EDEM3: variants seen among roughly 807,000 people sequenced by gnomAD.
EDEM3 encodes ER degradation enhancing alpha-mannosidase like protein 3, also known as ER degradation-enhancing alpha-mannosidase-like protein 3.
In EDEM3, 60 loss-of-function variants were observed where a neutral mutation model predicts 110.2. The ratio of observed to expected loss-of-function variants is 0.54; its 90% CI spans 0.44 to 0.67. The LOEUF is 0.67. EDEM3 is among the 30% of genes least tolerant of loss of function. The pLI, the probability that EDEM3 is intolerant of heterozygous loss-of-function variation, is 0.00. For missense variants in EDEM3, 996 were observed against 1,121.0 expected (o/e 0.89, Z 1.59); for synonymous variants, 352 against 382.9 (o/e 0.92, Z 0.94).
chr1:184,710,246 T>C (rs1370787880), intron 16 of EDEM3, 148 bp downstream of exon 16: 1 of 908,314 alleles, frequency 1.1e-6, no homozygotes, highest in East Asian at 2.8e-5. Context: ...CTTTCCAAGA[T>C]ACTTCCAAGT....
chr1:184,752,976 CAT>C (rs749722186), intron 1 of EDEM3, among the ~76,000 whole-genome samples: 2 of 152,126 alleles, frequency 1.3e-5, no homozygotes, highest in Non-Finnish European at 2.9e-5. Context: ...ACATTAAATT[CAT>C]ATGAGAGAAA....
chr1:184,749,452 G>C, intron 2 of EDEM3, 95 bp downstream of exon 2: 1 of 980,086 alleles, frequency 1.0e-6, no homozygotes. Flanking sequence ...TTTAAAAAAT[G>C]TAATTGTATT....
intron 7 of EDEM3, 85 bp from the exon 8 acceptor site, chr1:184,723,941 A>C: frequency 1.0e-6 from 1 of 958,246 alleles, no homozygotes. Flanking sequence ...TAACAAACAA[A>C]ACTCAAAGGC....
intron 18 of EDEM3, among the ~76,000 whole-genome samples, chr1:184,705,362 T>G (rs1431623571): frequency 6.6e-6 from 1 of 152,214 alleles, no homozygotes; most frequent in Non-Finnish European, 1.5e-5. Context: ...AAATCTCTTC[T>G]GTAACTGGCT....
intron 17 of EDEM3, among the ~76,000 whole-genome samples, chr1:184,707,431 C>T (rs1449153819): frequency 6.6e-6 from 1 of 152,108 alleles, no homozygotes; most frequent in African/African-American, 2.4e-5. Flanking sequence ...GTTTTGTAAA[C>T]TGATACAGCA....
At chr1:184,743,300 T>C (rs1470473268) in intron 2 of EDEM3, among the ~76,000 whole-genome samples, 3 of 152,140 alleles carry the variant, frequency 2.0e-5, no homozygotes, top group African/African-American at 7.2e-5. Context: ...TCCTGGCTTT[T>C]TGAGGCACAG....
At chr1:184,752,847 G>A (rs1166362830) in intron 1 of EDEM3, among the ~76,000 whole-genome samples, 2 of 152,072 alleles carry the variant, frequency 1.3e-5, no homozygotes, top group Admixed American at 6.6e-5. Context: ...GTCAACCTTG[G>A]GTCTCAACTT....
intron 8 of EDEM3, 121 bp downstream of exon 8, chr1:184,723,630 C>G: frequency 1.3e-6 from 1 of 797,944 alleles, no homozygotes; most frequent in African/African-American, 1.8e-5. Context: ...AAAATTCCAG[C>G]AATCTTGTGA....
intron 1 of EDEM3, among the ~76,000 whole-genome samples, chr1:184,750,510 A>T (rs1652697948): frequency 8.7e-6 from 1 of 115,334 alleles, no homozygotes; most frequent in Non-Finnish European, 1.8e-5. Flanking sequence ...ATTTTTTATT[A>T]ACTTTTTCTT....
intron 17 of EDEM3, among the ~76,000 whole-genome samples, chr1:184,707,298 C>A (rs183164154): frequency 1.7e-3 from 254 of 152,232 alleles, no homozygotes; most frequent in African/African-American, 5.7e-3. Flanking sequence ...GCAAGCAGTT[C>A]TTTTTACCAA....
chr1:184,740,718 T>C (rs1287886082), intron 2 of EDEM3, among the ~76,000 whole-genome samples: 1 of 152,194 alleles, frequency 6.6e-6, no homozygotes, highest in Non-Finnish European at 1.5e-5. Flanking sequence ...GAATTGAACA[T>C]AAATGAGGTT....
At chr1:184,708,371 C>G (rs969513292) in intron 16 of EDEM3, 27 bp from the exon 17 acceptor site, 16 of 1,606,524 alleles carry the variant, frequency 1.0e-5, no homozygotes, top group Non-Finnish European at 1.4e-5. Context: ...TTCATTTTAT[C>G]CTTCCTTTCT....
intron 1 of EDEM3, 33 bp downstream of exon 1, chr1:184,754,456 G>A: frequency 6.2e-7 from 1 of 1,612,074 alleles, no homozygotes; most frequent in Non-Finnish European, 8.5e-7. Flanking sequence ...CAGCCTCACC[G>A]AGAAACCCAC....
rs1649155415 is a variant in EDEM3, at chr1:184,693,334, A to C, written c.*729T>G. The C allele has an allele frequency of 6.5e-6, 1 of 153,424 alleles. No individual in the cohort carries two copies. Among genetic ancestry groups the C allele is most frequent in the African/African-American group, 2.4e-5 (1 of 41,480 alleles). 9.5% of individuals were successfully genotyped at this position (153,424 alleles called of 1,614,324 possible). A position where few individuals can be genotyped will look rare whatever the true frequency, so the allele number is the denominator to read the frequency against. ...CCTTACTCCATTTTTCAGAAGTATT[A>C]AGTAAGCAATCTCCACAATGTATTA... On this transcript the variant is annotated 3_prime_UTR_variant, in exon 20 of 20. Transcript: ENST00000318130.
chr1:184,737,549 C>T, intron 3 of EDEM3, 62 bp downstream of exon 3: 1 of 1,482,266 alleles, frequency 6.7e-7, no homozygotes, highest in African/African-American at 1.4e-5. Context: ...TGTAAACTGT[C>T]TGTAAAAGTC....
intron 19 of EDEM3, among the ~76,000 whole-genome samples, chr1:184,695,800 G>A (rs1649299230): frequency 6.6e-6 from 1 of 152,014 alleles, no homozygotes; most frequent in Admixed American, 6.6e-5. Context: ...TCAAAGAAGG[G>A]AGGGAAGAGG....
chr1:184,732,801 A>C (rs774350073), intron 6 of EDEM3, 36 bp downstream of exon 6: 1 of 1,577,244 alleles, frequency 6.3e-7, no homozygotes, highest in Non-Finnish European at 8.6e-7. Context: ...CAGCAAAGAA[A>C]GTATATAAAG....
Position 184,705,027 on chromosome 1 carries a change from C to T in EDEM3, c.2203+1616G>A, listed in dbSNP as rs200443701. 2.5e-4 allele frequency among the ~76,000 whole-genome samples: 38 copies of T among 152,034 alleles called. No individual in the cohort carries two copies. In the East Asian group the frequency reaches 5.4e-3, roughly 22 times the overall value. ...TGGAGGTTGCAGTGAGCCAAGATCA[C>T]GCCACTGCATTCCAACCTGGGTGAC... On this transcript the variant is annotated intron_variant, in intron 18 of 19. Transcript: ENST00000318130.
chr1:184,735,870 C>T (rs1024088498), intron 4 of EDEM3, among the ~76,000 whole-genome samples: 3 of 152,110 alleles, frequency 2.0e-5, no homozygotes, highest in Non-Finnish European at 4.4e-5. Context: ...AATTCTTCTC[C>T]CTGGGTTTAT....
Sources: allele counts gnomAD v4.1 joint callset (sites outside exome capture counted in the v4.1 genomes callset), GRCh38; gene constraint gnomAD v4.1.1; transcripts MANE v1.5; gene names NCBI Gene and HGNC (gene_info 2026-07-23, HGNC 2026-07-21).